Variants in QTRT2 observed in about 807,000 individuals in gnomAD.
QTRT2 encodes queuine tRNA-ribosyltransferase accessory subunit 2.
A neutral mutation model predicts 44.8 loss-of-function variants in QTRT2; 32 were observed. That is an observed-to-expected ratio of 0.71 (90% CI 0.54 to 0.96). QTRT2 has a LOEUF of 0.96. Among genes scored for constraint, QTRT2 ranks in the 40% least tolerant of loss-of-function variants. The pLI is 0.00. For synonymous variants in QTRT2, 182 were observed against 187.4 expected (o/e 0.97, Z 0.24); for missense variants, 461 against 503.1 (o/e 0.92, Z 0.80).
chr3:114,059,610 A>AT (rs35711518), intron 2 of QTRT2, among the ~76,000 whole-genome samples: 32,231 of 152,094 alleles, frequency 0.21, 4,111 homozygotes, highest in Middle Eastern at 0.34. Context: ...ACAAAATTCC[A>AT]TTTTTTTAAA....
chr3:114,060,549 ATAGAT>A (rs988404946), intron 2 of QTRT2, among the ~76,000 whole-genome samples: 1 of 151,460 alleles, frequency 6.6e-6, no homozygotes, highest in African/African-American at 2.4e-5. Flanking sequence ...GATAGATAAG[ATAGAT>A]TAGATAGATA....
chr3:114,072,602 G>T (rs2077038188), intron 6 of QTRT2, among the ~76,000 whole-genome samples: 1 of 152,142 alleles, frequency 6.6e-6, no homozygotes, highest in Non-Finnish European at 1.5e-5. Flanking sequence ...TGTATAAGTT[G>T]GGTATCTTCA....
chr3:114,082,707 T>A lies in QTRT2; in HGVS notation c.929T>A (p.Ile310Lys), dbSNP rs777927638. The change falls in exon 9 of 10, where the codon ATA becomes AAA. Residue 310 changes from isoleucine (I) to lysine (K), a missense_variant. Physicochemically the swap from Ile to Lys is moderately radical, Grantham distance 102. Coordinates refer to ENST00000281273, the MANE Select transcript of QTRT2 (RefSeq NM_024638.4). ...CAACAAAATGGAACACAAGAAGAAA[T>A]AAAATGTATGGATCAAATAAAGAAA... ...LLQQNGTQEE[I>K]KCMDQIKKIE... 2 of 1,509,628 alleles carry A rather than the reference T, an allele frequency of 1.3e-6. No individual in the cohort carries two copies. Among genetic ancestry groups the A allele is most frequent in the African/African-American group, 2.8e-5 (2 of 71,450 alleles). The allele number at this position is 1,509,628 out of a possible 1,614,324, so 93.5% of individuals were successfully genotyped here.
intron 2 of QTRT2, among the ~76,000 whole-genome samples, chr3:114,064,883 T>C (rs1224200137): frequency 6.6e-6 from 1 of 152,232 alleles, no homozygotes; most frequent in East Asian, 1.9e-4. Context: ...TACTGTTCTC[T>C]GTATACATTT....
Position 114,075,133 on chromosome 3 carries a change from A to C in QTRT2, c.547-1610A>C, listed in dbSNP as rs545293269. ...TCCACTTTCCTTCCTAAGACGTTGA[A>C]ATGATTTTTACTCTGTGTTTATCAG... On this transcript the variant is annotated intron_variant, in intron 6 of 9. Transcript: ENST00000281273. 3.3e-5 allele frequency among the ~76,000 whole-genome samples: 5 copies of C among 152,294 alleles called. No individual in the cohort carries two copies. In the South Asian group the frequency reaches 1.0e-3, roughly 32 times the overall value.
At chr3:114,069,386 C>A (rs1238201947) in intron 5 of QTRT2, among the ~76,000 whole-genome samples, 1 of 152,086 alleles carries the variant, frequency 6.6e-6, no homozygotes. Context: ...ATCCTTCTCT[C>A]CCTCCTTTCA....
Position 114,085,986 on chromosome 3 carries a change from C to A in QTRT2, c.*82C>A. The A allele has an allele frequency of 9.2e-7, 1 of 1,083,758 alleles. No individual in the cohort carries two copies. The highest frequency in any genetic ancestry group is 1.4e-6 in the Non-Finnish European group (1 of 709,458). 67.1% of individuals were successfully genotyped at this position (1,083,758 alleles called of 1,614,324 possible). On this transcript the variant is annotated 3_prime_UTR_variant, in exon 10 of 10. Transcript: ENST00000281273. ...TGGGAAGACGTGAAGAAGAAATAAT[C>A]TGAGCTTTAATTATTTATATTTGGA...
intron 6 of QTRT2, among the ~76,000 whole-genome samples, chr3:114,075,936 A>C (rs2077084936): frequency 1.3e-5 from 2 of 152,158 alleles, no homozygotes. Flanking sequence ...TTTTATGTTT[A>C]GCTATTAGGT....
chr3:114,076,842 G>A lies in QTRT2; in HGVS notation c.646G>A (p.Gly216Ser). The A allele has an allele frequency of 1.9e-6, 3 of 1,614,220 alleles. No homozygotes were observed. Among genetic ancestry groups the A allele is most frequent in the Non-Finnish European group, 2.5e-6 (3 of 1,180,030 alleles). The stretch of plus-strand genomic sequence containing the variant: ...AGAGACAGCCAAGCGGCCTGTGGGT[G>A]GCTTCCTTCTGGATGGTTTTCAAGG... The part of the protein sequence containing the change: ...ARETAKRPVG[G>S]FLLDGFQGNP... The change falls in exon 7 of 10, where the codon GGC (glycine) becomes AGC (serine). Residue 216 changes from glycine to serine, a missense_variant. By Grantham distance (56) the Gly-to-Ser change is moderately conservative. Coordinates refer to ENST00000281273, the MANE Select transcript of QTRT2 (RefSeq NM_024638.4).
At chr3:114,083,272 TTGTTGTTGTTGTTGC>T (rs1381950628) in intron 9 of QTRT2, among the ~76,000 whole-genome samples, 1,681 of 149,762 alleles carry the variant, frequency 0.011, 32 homozygotes, top group African/African-American at 0.035. Context: ...CTTTTCTTTG[TTGTTGTTGTTGTTGC>T]TGTTGTTGTT....
chr3:114,083,420 A>G (rs2077194194), intron 9 of QTRT2, among the ~76,000 whole-genome samples: 1 of 152,106 alleles, frequency 6.6e-6, no homozygotes, highest in Non-Finnish European at 1.5e-5. Flanking sequence ...TCCTCCAATG[A>G]GCAGTTCCTT....
chr3:114,081,355 A>C (rs1326832172), intron 8 of QTRT2, among the ~76,000 whole-genome samples: 1 of 152,202 alleles, frequency 6.6e-6, no homozygotes, highest in Non-Finnish European at 1.5e-5. Context: ...GGCTTAAAAA[A>C]AATTCTTTTT....
intron 6 of QTRT2, among the ~76,000 whole-genome samples, chr3:114,071,624 CT>C (rs1215116712): frequency 2.0e-5 from 3 of 152,048 alleles, no homozygotes; most frequent in Admixed American, 6.6e-5. Context: ...TTCAAGACTC[CT>C]TTTTTTCATT....
intron 9 of QTRT2, among the ~76,000 whole-genome samples, chr3:114,083,340 G>A (rs2077193403): frequency 6.6e-6 from 1 of 151,388 alleles, no homozygotes; most frequent in Admixed American, 6.6e-5. Flanking sequence ...TGTTGTTGTT[G>A]TTGTTGTTGT....
In QTRT2 at chr3:114,070,652, A is replaced by C; in HGVS notation, c.360A>C (p.Gly120=). 3 of 1,614,102 alleles carry C rather than the reference A, an allele frequency of 1.9e-6. 1 individual carries two copies. Residue 120 remains glycine (G), a synonymous_variant, in exon 6 of 10, where the codon GGA becomes GGC. Coordinates refer to ENST00000281273, the MANE Select transcript of QTRT2 (RefSeq NM_024638.4). ...NKSVSVWSVA[G]RVEMTVSKFM... is the part of the protein sequence containing the mutation. Reference sequence around the variant, plus strand: ...CTGTGTCTGTGTGGAGTGTTGCAGGACGAGTGGAAATGACTGTTTCCAAGT... The same window carrying C: ...CTGTGTCTGTGTGGAGTGTTGCAGGCCGAGTGGAAATGACTGTTTCCAAGT...
chr3:114,063,345 GATAA>G (rs544805885), intron 2 of QTRT2, among the ~76,000 whole-genome samples: 49 of 152,156 alleles, frequency 3.2e-4, no homozygotes, highest in South Asian at 1.5e-3. Flanking sequence ...AGTATTATCT[GATAA>G]ATAAATAAAG....
intron 5 of QTRT2, among the ~76,000 whole-genome samples, chr3:114,069,826 T>C (rs756719079): frequency 2.6e-5 from 4 of 152,184 alleles, no homozygotes; most frequent in Non-Finnish European, 5.9e-5. Context: ...ATTACTAATA[T>C]ATACTCTCTT....
chr3:114,087,302 G>T lies in QTRT2; in HGVS notation c.*1398G>T, dbSNP rs1264515906. The T allele has an allele frequency of 6.6e-6, 1 of 152,194 alleles. No individual in the cohort carries two copies. Among genetic ancestry groups the T allele is most frequent in the East Asian group, 1.9e-4 (1 of 5,204 alleles). The allele number at this position is 152,194 out of a possible 1,614,324, so 9.4% of individuals were successfully genotyped here. A position where few individuals can be genotyped will look rare whatever the true frequency, so the allele number is the denominator to read the frequency against. On this transcript the variant is annotated 3_prime_UTR_variant, in exon 10 of 10. Transcript: ENST00000281273. ...TTTGTGGCTGCTGTATGTTTTATGT[G>T]TTGGGAGCCCATTGTATTAGGCCGT...
At chr3:114,059,047 A>T (rs2076848421) in intron 2 of QTRT2, among the ~76,000 whole-genome samples, 1 of 152,260 alleles carries the variant, frequency 6.6e-6, no homozygotes, top group Admixed American at 6.5e-5. Flanking sequence ...GGACATTTCC[A>T]TGGCAGTATG....
Sources: allele counts gnomAD v4.1 joint callset (sites outside exome capture counted in the v4.1 genomes callset), GRCh38; gene constraint gnomAD v4.1.1; transcripts MANE v1.5; gene names NCBI Gene and HGNC (gene_info 2026-07-23, HGNC 2026-07-21).